OR1J2: variants seen among roughly 807,000 people sequenced by gnomAD.
OR1J2 encodes olfactory receptor family 1 subfamily J member 2, also known as olfactory receptor 1J2.
For synonymous variants in OR1J2, 142 were observed against 99.7 expected (o/e 1.42, Z -2.52); for missense variants, 304 against 246.1 (o/e 1.24, Z -1.57).
chr9:122,528,178 G>A, the OR1J2 span, among the ~76,000 whole-genome samples: 1 of 152,146 alleles, frequency 6.6e-6, no homozygotes, highest in South Asian at 2.1e-4. Context: ...TCTTTTATAT[G>A]TGTGTTTTAC....
the OR1J2 span, among the ~76,000 whole-genome samples, chr9:122,505,317 G>A: frequency 6.6e-6 from 1 of 152,108 alleles, no homozygotes; most frequent in African/African-American, 2.4e-5. Flanking sequence ...GGCAGTTCAG[G>A]GCATCACATA....
chr9:122,550,656 T>G, the OR1J2 span, among the ~76,000 whole-genome samples: 1 of 151,358 alleles, frequency 6.6e-6, no homozygotes, highest in East Asian at 1.9e-4. Context: ...AACCTTATAA[T>G]CATCTCAATA....
At chr9:122,532,057 T>TGGAACA in the OR1J2 span, among the ~76,000 whole-genome samples, 5 of 93,238 alleles carry the variant, frequency 5.4e-5, no homozygotes, top group African/African-American at 1.8e-4. Flanking sequence ...GAATAGCAAA[T>TGGAACA]TTGCCAGTCC....
At chr9:122,460,311 A>G in the OR1J2 span, among the ~76,000 whole-genome samples, 2 of 152,058 alleles carry the variant, frequency 1.3e-5, no homozygotes, top group Non-Finnish European at 2.9e-5. Context: ...ATGAGGATCT[A>G]GCTTCATTTT....
the OR1J2 span, among the ~76,000 whole-genome samples, chr9:122,484,001 A>G: frequency 1.3e-5 from 2 of 152,150 alleles, no homozygotes; most frequent in Non-Finnish European, 2.9e-5. Flanking sequence ...AATGCACTGT[A>G]TATATCAGTA....
the OR1J2 span, among the ~76,000 whole-genome samples, chr9:122,577,706 C>G: frequency 1.3e-5 from 2 of 152,180 alleles, no homozygotes; most frequent in Non-Finnish European, 2.9e-5. Context: ...CACAATAACT[C>G]TGTAGAGAAT....
At chr9:122,533,855 A>G in the OR1J2 span, among the ~76,000 whole-genome samples, 12 of 152,214 alleles carry the variant, frequency 7.9e-5, no homozygotes, top group East Asian at 7.7e-4. Context: ...AGTGTCTGTG[A>G]TGGTCTACAG....
At chr9:122,483,494 T>C in the OR1J2 span, among the ~76,000 whole-genome samples, 1 of 152,222 alleles carries the variant, frequency 6.6e-6, no homozygotes, top group South Asian at 2.1e-4. Context: ...ATGCAAACTA[T>C]GCTCGTGTAA....
the OR1J2 span, among the ~76,000 whole-genome samples, chr9:122,462,940 T>C: frequency 6.6e-6 from 1 of 152,198 alleles, no homozygotes; most frequent in Non-Finnish European, 1.5e-5. Context: ...CCAGTGTTCT[T>C]TGAGCTTCTT....
At chr9:122,535,674 C>T in the OR1J2 span, among the ~76,000 whole-genome samples, 1 of 152,080 alleles carries the variant, frequency 6.6e-6, no homozygotes, top group Non-Finnish European at 1.5e-5. Context: ...GGATCTTTCT[C>T]ACGGAGCAAA....
chr9:122,548,675 T>C, the OR1J2 span, among the ~76,000 whole-genome samples: 8 of 152,040 alleles, frequency 5.3e-5, no homozygotes, highest in African/African-American at 1.9e-4. Flanking sequence ...GCATGTCCCA[T>C]GTTGGTGTGC....
the OR1J2 span, among the ~76,000 whole-genome samples, chr9:122,540,768 T>C: frequency 6.6e-6 from 1 of 152,228 alleles, no homozygotes; most frequent in Non-Finnish European, 1.5e-5. Flanking sequence ...TTCTTCCATT[T>C]GTTTGTATCC....
At chr9:122,565,693 A>G in the OR1J2 span, among the ~76,000 whole-genome samples, 1 of 152,250 alleles carries the variant, frequency 6.6e-6, no homozygotes, top group Non-Finnish European at 1.5e-5. Context: ...AATACCTGAC[A>G]GGTAGTTTTT....
At chr9:122,450,771 C>G in the OR1J2 span, among the ~76,000 whole-genome samples, 83 of 152,198 alleles carry the variant, frequency 5.5e-4, no homozygotes, top group African/African-American at 2.0e-3. Flanking sequence ...TCCCCCTCCT[C>G]TGCTAACCAC....
At chr9:122,553,542 G>C in the OR1J2 span, 318 of 1,614,024 alleles carry the variant, frequency 2.0e-4, 1 homozygote, top group African/African-American at 4.0e-3. Flanking sequence ...CCTTATGTTT[G>C]GTGGCCTTGA....
the OR1J2 span, among the ~76,000 whole-genome samples, chr9:122,569,680 ATT>A: frequency 3.2e-5 from 1 of 30,782 alleles, no homozygotes; most frequent in South Asian, 1.3e-3. Flanking sequence ...ATTTTATTTT[ATT>A]TTATTTTATT....
the OR1J2 span, among the ~76,000 whole-genome samples, chr9:122,558,376 C>T: frequency 1.0e-5 from 1 of 96,530 alleles, no homozygotes; most frequent in East Asian, 3.9e-4. Context: ...TTTTATCTCT[C>T]ACCTTTTGGA....
chr9:122,526,658 A>G, the OR1J2 span: 1 of 1,614,144 alleles, frequency 6.2e-7, no homozygotes, highest in Non-Finnish European at 8.5e-7. Context: ...AGGAGGTGAC[A>G]ATGCATAAAA....
the OR1J2 span, among the ~76,000 whole-genome samples, chr9:122,565,369 C>T: frequency 7.9e-5 from 12 of 152,162 alleles, no homozygotes; most frequent in Non-Finnish European, 1.6e-4. Context: ...TAGGATGACC[C>T]GTTTTGTGGA....
Sources: gnomAD v4.1 joint callset for allele counts (sites outside exome capture counted in the v4.1 genomes callset) on GRCh38, gnomAD v4.1.1 for gene constraint, MANE v1.5 for transcripts, NCBI Gene and HGNC (gene_info 2026-07-23, HGNC 2026-07-21) for gene names.